Variants in ZPLD1 observed in about 807,000 individuals in gnomAD.
ZPLD1 encodes the protein zona pellucida-like domain-containing protein 1.
A neutral mutation model predicts 47.2 loss-of-function variants in ZPLD1; 34 were observed. The ratio of observed to expected loss-of-function variants is 0.72; its 90% confidence interval spans 0.55 to 0.96. The LOEUF (loss-of-function observed/expected upper bound fraction) is 0.96. Among genes scored for constraint, ZPLD1 ranks in the 40% least tolerant of loss-of-function variants. The probability of loss-of-function intolerance (pLI) is 0.00; values close to 1 mark genes in which losing one functional copy is unlikely to be tolerated. For synonymous variants in ZPLD1, 176 were observed against 186.2 expected (o/e 0.95, Z 0.45); for missense variants, 512 against 505.8 (o/e 1.01, Z -0.12).
At chr3:102,437,732 G>C (rs531009196) in intron 2 of ZPLD1, among the ~76,000 whole-genome samples, 165 of 152,212 alleles carry the variant, frequency 1.1e-3, no homozygotes, top group African/African-American at 3.8e-3. Context: ...CTATTTAACT[G>C]TTCAACCCAC....
chr3:102,444,856 A>G (rs1161962428), intron 3 of ZPLD1, among the ~76,000 whole-genome samples: 1 of 152,086 alleles, frequency 6.6e-6, no homozygotes, highest in African/African-American at 2.4e-5. Flanking sequence ...ATCAATACTA[A>G]TGTGATGATA....
At chr3:102,403,289 G>T (rs960403922) in intron 7 of ZPLD1, among the ~76,000 whole-genome samples, 10 of 151,974 alleles carry the variant, frequency 6.6e-5, no homozygotes, top group Admixed American at 1.3e-4. Context: ...TAGGCATGGT[G>T]GTTAGGTTTT....
intron 9 of ZPLD1, among the ~76,000 whole-genome samples, chr3:102,469,759 A>T (rs1174884221): frequency 6.6e-6 from 1 of 152,196 alleles, no homozygotes; most frequent in Non-Finnish European, 1.5e-5. Context: ...CACTGAGCTT[A>T]AAAGTTAAAA....
rs55700835 is a variant in ZPLD1 at position 102,388,455 on chromosome 3, CTGTGTGTGTG to C, written c.-213+3158_-213+3167del. On this transcript the variant is annotated intron_variant, in intron 6 of 17. Transcript: ENST00000491959. ...TCTCTCTCTCTCTCTCTCTCTCTGT[CTGTGTGTGTG>C]TGTGTGTGTGTGTGTGTGTCTTTCT... 2.0e-3 allele frequency among the ~76,000 whole-genome samples: 268 copies of C among 135,490 alleles called. 1 individual carries two copies. Among genetic ancestry groups the C allele is most frequent in the African/African-American group, 6.2e-3 (233 of 37,438 alleles). The allele number at this position is 135,490 out of a possible 152,430, so 88.9% of individuals were successfully genotyped here.
intron 7 of ZPLD1, among the ~76,000 whole-genome samples, chr3:102,416,142 A>T (rs965955378): frequency 1.3e-5 from 2 of 151,894 alleles, no homozygotes; most frequent in African/African-American, 4.8e-5. Context: ...AACTGGTAAA[A>T]TTTCCTTTGA....
chr3:102,454,533 C>T (rs1326570910), intron 4 of ZPLD1, among the ~76,000 whole-genome samples: 1 of 152,126 alleles, frequency 6.6e-6, no homozygotes. Context: ...GTGCTGTTTA[C>T]CTTTTTAAAA....
rs202040687 is a variant in ZPLD1, at chr3:102,457,789, C to A, written c.518C>A (p.Ala173Glu). The A allele has an allele frequency of 2.5e-5, 41 of 1,613,704 alleles. No homozygotes were observed. Among genetic ancestry groups the A allele is most frequent in the Non-Finnish European group, 3.3e-5 (39 of 1,179,878 alleles). ...VNNTQLASSS[A>E]AISVRENNGT... The stretch of plus-strand genomic sequence containing the variant: ...TTCTAAATGTGTTTTAGGTCCTCAG[C>A]GGCTATTTCTGTGAGAGAGAACAAT... Residue 173 changes from alanine to glutamate, a missense_variant, in exon 6 of 12, where the codon GCG becomes GAG. Transcript: ENST00000466937.
chr3:102,470,352 T>G (rs777100940), intron 9 of ZPLD1, 42 bp from the exon 10 acceptor site: 1 of 1,518,814 alleles, frequency 6.6e-7, no homozygotes. Context: ...GAAACAATTC[T>G]GCGCCGGTGT....
chr3:102,419,466 A>AT (rs1189254558), intron 8 of ZPLD1, among the ~76,000 whole-genome samples: 9 of 151,982 alleles, frequency 5.9e-5, no homozygotes, highest in African/African-American at 2.2e-4. Flanking sequence ...ATAACATAGT[A>AT]ACAAGATCAT....
At chr3:102,417,945 T>C (rs549403208) in intron 7 of ZPLD1, 1 of 152,454 alleles carries the variant, frequency 6.6e-6, no homozygotes, top group South Asian at 2.1e-4. Flanking sequence ...CAAAGGTCCC[T>C]AAAAGATGAG....
chr3:102,416,346 A>T (rs1706804659), intron 7 of ZPLD1, among the ~76,000 whole-genome samples: 1 of 151,970 alleles, frequency 6.6e-6, no homozygotes, highest in African/African-American at 2.4e-5. Context: ...TGAAATGCTC[A>T]TTTTCTTATA....
At chr3:102,413,255 A>G (rs1393187082) in intron 7 of ZPLD1, among the ~76,000 whole-genome samples, 1 of 151,850 alleles carries the variant, frequency 6.6e-6, no homozygotes, top group Non-Finnish European at 1.5e-5. Context: ...AATTACTAAG[A>G]CCATGTTGTG....
rs142807217 is a variant in ZPLD1, at chr3:102,465,664, A to C, written c.761+1413A>C. ...TGATCATCAGACTTCTAGTGTGAAT[A>C]TAGAAGCAGCTTAGTTCTGAATCTT... is the stretch of plus-strand genomic sequence containing the variant. On this transcript the variant is annotated intron_variant, in intron 8 of 11. Transcript: ENST00000466937. 6.4e-3 allele frequency among the ~76,000 whole-genome samples: 969 copies of C among 152,284 alleles called. 9 individuals carry two copies. Among genetic ancestry groups the C allele is most frequent in the African/African-American group, 0.022 (910 of 41,552 alleles).
At chr3:102,425,419 C>T (rs181164133) in intron 8 of ZPLD1, among the ~76,000 whole-genome samples, 28 of 152,194 alleles carry the variant, frequency 1.8e-4, no homozygotes, top group African/African-American at 6.5e-4. Context: ...GCCAAAAATC[C>T]TGATTTATTA....
At position 102,478,694 on chromosome 3, in the gene ZPLD1, T is replaced by C. The variant is rs999642665; in HGVS notation, c.*1076T>C. ...TAATTGCCATGAATAAACAATATTT[T>C]CCTCTAACAGTAAACTGCAAGAAGC... On this transcript the variant is annotated 3_prime_UTR_variant, in exon 12 of 12. Transcript: ENST00000466937. 2.6e-5 allele frequency: 4 copies of C among 152,130 alleles called. No individual in the cohort carries two copies. Among genetic ancestry groups the C allele is most frequent in the African/African-American group, 9.7e-5 (4 of 41,402 alleles). 9.4% of individuals were successfully genotyped at this position (152,130 alleles called of 1,614,324 possible). A position where few individuals can be genotyped will look rare whatever the true frequency, so the allele number is the denominator to read the frequency against.
rs1707443385 is a variant in ZPLD1, at chr3:102,457,860, T to A, written c.582+7T>A. On this transcript the variant is annotated splice_region_variant and intron_variant, in intron 6 of 11. Coordinates refer to ENST00000466937, the MANE Select transcript of ZPLD1 (RefSeq NM_001329788.2). ...GAACCTGCTCCTTTATAACGTAAGT[T>A]GATGGGTGAAGGATGTTATTTTCTC... The A allele has an allele frequency of 6.2e-7, 1 of 1,613,576 alleles. No homozygotes were observed. Among genetic ancestry groups the A allele is most frequent in the Admixed American group, 1.7e-5 (1 of 59,992 alleles).
intron 6 of ZPLD1, among the ~76,000 whole-genome samples, chr3:102,390,761 C>T (rs538002865): frequency 6.6e-6 from 1 of 152,296 alleles, no homozygotes; most frequent in East Asian, 1.9e-4. Flanking sequence ...CTTTTCCTTG[C>T]CACACGTTGC....
intron 6 of ZPLD1, among the ~76,000 whole-genome samples, chr3:102,461,848 G>A (rs562503498): frequency 5.3e-5 from 8 of 151,894 alleles, no homozygotes; most frequent in Non-Finnish European, 1.0e-4. Flanking sequence ...AGAAGTATAA[G>A]AACTACAGTG....
In ZPLD1 at chr3:102,477,552, C is replaced by G. The variant is rs371325163; in HGVS notation, c.1182C>G (p.Ala394=). 1.2e-6 allele frequency: 2 copies of G among 1,613,766 alleles called. No individual in the cohort carries two copies. The highest frequency in any genetic ancestry group is 4.5e-5 in the East Asian group (2 of 44,872). ...TSFSLLLCSL[A]LLHRKGPTSL... is the part of the protein sequence containing the mutation. ...TTTCTCTTCTTCTGTGCTCACTGGC[C>G]CTTCTGCACAGGAAGGGACCCACAA... Residue 394 remains alanine (A), a synonymous_variant, in exon 12 of 12, where the codon GCC becomes GCG. Transcript: ENST00000466937.
Sources: gnomAD v4.1 joint callset for allele counts (sites outside exome capture counted in the v4.1 genomes callset) on GRCh38, gnomAD v4.1.1 for gene constraint, MANE v1.5 for transcripts, NCBI Gene and HGNC (gene_info 2026-07-23, HGNC 2026-07-21) for gene names.